Variants in NEBL observed in about 807,000 individuals in gnomAD.
NEBL encodes LIM and SH3 protein 2.
A neutral mutation model predicts 140.2 loss-of-function variants in NEBL; 122 were observed. The ratio of observed to expected loss-of-function variants is 0.87; its 90% CI spans 0.75 to 1.01. The LOEUF (loss-of-function observed/expected upper bound fraction) is 1.01, where lower values mean the gene tolerates loss of function less well. Ranked by LOEUF, NEBL falls within the 50% of genes least tolerant of loss-of-function variation. NEBL has a pLI of 0.00. For synonymous variants in NEBL, 436 were observed against 398.9 expected (o/e 1.09, Z -1.11); for missense variants, 1,365 against 1,231.3 (o/e 1.11, Z -1.62).
At position 20,985,175 on chromosome 10, in the gene NEBL, T is replaced by C. The variant is rs1254295478; in HGVS notation, c.250-23396A>G. On this transcript the variant is annotated intron_variant, in intron 3 of 6. Coordinates refer to the NEBL transcript ENST00000417816. Reference sequence around the variant, plus strand: ...CTTGAATTATCCTGAAACCATCCTGTGCCCCATCCATGGAAAAACTGTCTT... The same window carrying C: ...CTTGAATTATCCTGAAACCATCCTGCGCCCCATCCATGGAAAAACTGTCTT... Among the ~76,000 whole-genome samples the C allele has an allele frequency of 2.0e-5, 3 of 152,220 alleles. 1 individual carries two copies. The highest frequency in any genetic ancestry group is 4.4e-5 in the Non-Finnish European group (3 of 68,040).
At chr10:21,254,522 C>A (rs1366255926) in intron 1 of NEBL, among the ~76,000 whole-genome samples, 1 of 152,142 alleles carries the variant, frequency 6.6e-6, no homozygotes, top group African/African-American at 2.4e-5. Flanking sequence ...TGGCTCACTG[C>A]AACCTCTGCC....
intron 20 of NEBL, 137 bp downstream of exon 20, chr10:20,819,287 A>G: frequency 1.5e-6 from 2 of 1,373,420 alleles, no homozygotes; most frequent in East Asian, 4.9e-5. Flanking sequence ...CTCATCATTT[A>G]GCTCTCATTA....
At chr10:20,787,349 T>G (rs1835509995) in intron 26 of NEBL, 41 bp from the exon 27 acceptor site, 6 of 1,518,894 alleles carry the variant, frequency 4.0e-6, no homozygotes, top group Non-Finnish European at 5.4e-6. Context: ...TTCCTTAAAG[T>G]TAGCCTCGAA....
chr10:20,994,475 C>G (rs985356779), intron 3 of NEBL, among the ~76,000 whole-genome samples: 1 of 152,168 alleles, frequency 6.6e-6, no homozygotes, highest in East Asian at 1.9e-4. Context: ...GTAACTAATT[C>G]AACGTCTTTT....
rs75813485 is a variant in NEBL, at chr10:21,040,503, G to A, written c.165-20302C>T. 9.2e-3 allele frequency among the ~76,000 whole-genome samples: 1,399 copies of A among 152,216 alleles called. 44 individuals carry two copies. In the East Asian group the frequency reaches 0.1, roughly 11 times the overall value. ...ACCTGGTGAGCGAAGGAGAAATAGA[G>A]GAGAGAAGGAGATGCCAGACTCCTT... is the stretch of plus-strand genomic sequence containing the variant. On this transcript the variant is annotated intron_variant, in intron 2 of 6. Transcript: ENST00000417816.
chr10:20,824,610 T>C lies in NEBL; in HGVS notation c.1870-1310A>G, dbSNP rs76264397. Among the ~76,000 whole-genome samples, 1,236 of 152,296 alleles carry C rather than the reference T, an allele frequency of 8.1e-3. 12 individuals carry two copies. The highest frequency in any genetic ancestry group is 0.028 in the African/African-American group (1,157 of 41,560). On this transcript the variant is annotated intron_variant, in intron 18 of 27. Coordinates refer to ENST00000377122, the MANE Select transcript of NEBL (RefSeq NM_006393.3). ...CTAGCTAATCTTAAAAGGGCAACTT[T>C]CCATTTGAATACTAAGCAGGAGTTT...
At chr10:20,945,319 C>CCACTCTTAACACA (rs1260659504) in intron 4 of NEBL, among the ~76,000 whole-genome samples, 3 of 152,112 alleles carry the variant, frequency 2.0e-5, no homozygotes, top group African/African-American at 7.2e-5. Context: ...CCAAAAATTC[C>CCACTCTTAACACA]CACTCTTAAC....
At chr10:21,075,518 A>T (rs1363388383) in intron 2 of NEBL, among the ~76,000 whole-genome samples, 1 of 152,210 alleles carries the variant, frequency 6.6e-6, no homozygotes, top group East Asian at 1.9e-4. Flanking sequence ...CCAACCTGCC[A>T]CAGTGAGGTG....
chr10:21,023,659 C>T (rs1211845408), intron 2 of NEBL, among the ~76,000 whole-genome samples: 3 of 151,986 alleles, frequency 2.0e-5, no homozygotes, highest in African/African-American at 7.3e-5. Context: ...TGTGCCACTG[C>T]ACTCCAGCCT....
intron 2 of NEBL, among the ~76,000 whole-genome samples, chr10:21,061,264 AACATATT>A (rs1214102303): frequency 6.9e-6 from 1 of 144,702 alleles, no homozygotes; most frequent in Non-Finnish European, 1.5e-5. Context: ...TGTGATATGT[AACATATT>A]ACATATTATG....
chr10:21,276,580 C>T (rs2132294086), intron 1 of NEBL, among the ~76,000 whole-genome samples: 1 of 152,284 alleles, frequency 6.6e-6, no homozygotes, highest in Non-Finnish European at 1.5e-5. Flanking sequence ...TAATCCCAGC[C>T]TTTGGGAGGC....
chr10:20,795,015 C>A (rs187915414), intron 26 of NEBL, among the ~76,000 whole-genome samples: 3 of 152,284 alleles, frequency 2.0e-5, no homozygotes, highest in Admixed American at 1.3e-4. Context: ...TGCCAAAAAT[C>A]TGACTTCAGA....
At chr10:21,059,153 C>T (rs1397352197) in intron 2 of NEBL, among the ~76,000 whole-genome samples, 2 of 152,172 alleles carry the variant, frequency 1.3e-5, no homozygotes, top group African/African-American at 2.4e-5. Context: ...GGGGTGAAGC[C>T]CCCCTCACTT....
intron 2 of NEBL, among the ~76,000 whole-genome samples, chr10:21,102,503 T>G (rs1368725912): frequency 2.6e-5 from 4 of 152,200 alleles, no homozygotes; most frequent in Non-Finnish European, 2.9e-5. Context: ...TTCCTACAGT[T>G]TTATTGAAAT....
intron 2 of NEBL, among the ~76,000 whole-genome samples, chr10:21,074,939 A>C (rs545543512): frequency 6.6e-6 from 1 of 151,750 alleles, no homozygotes; most frequent in Admixed American, 6.6e-5. Context: ...GAGTAGCTGG[A>C]ACTACAGGCA....
intron 2 of NEBL, among the ~76,000 whole-genome samples, chr10:21,067,425 G>A (rs769396284): frequency 7.2e-5 from 11 of 152,258 alleles, no homozygotes; most frequent in South Asian, 2.1e-4. Context: ...TCCAACGATT[G>A]TCATGAAATT....
At chr10:21,216,977 G>A (rs1260422178) in intron 3 of NEBL, among the ~76,000 whole-genome samples, 1 of 145,496 alleles carries the variant, frequency 6.9e-6, no homozygotes, top group African/African-American at 2.8e-5. Context: ...GACAGAGCAA[G>A]ACTCAGTCTC....
intron 1 of NEBL, among the ~76,000 whole-genome samples, chr10:21,255,176 C>T (rs1471324031): frequency 6.6e-6 from 1 of 152,058 alleles, no homozygotes; most frequent in Non-Finnish European, 1.5e-5. Flanking sequence ...TTTAAGAGGG[C>T]GATGGCTCAC....
intron 27 of NEBL, among the ~76,000 whole-genome samples, chr10:20,786,991 T>A (rs1303730254): frequency 6.6e-6 from 1 of 152,246 alleles, no homozygotes; most frequent in East Asian, 1.9e-4. Flanking sequence ...TATTGTTTTA[T>A]GTAATGCTTA....
Sources: gnomAD v4.1 joint callset for allele counts (sites outside exome capture counted in the v4.1 genomes callset) on GRCh38, gnomAD v4.1.1 for gene constraint, MANE v1.5 for transcripts, NCBI Gene and HGNC (gene_info 2026-07-23, HGNC 2026-07-21) for gene names.